Variants in SIRT5 observed in about 807,000 individuals in gnomAD.
SIRT5 encodes NAD-dependent protein deacylase sirtuin-5, mitochondrial.
In SIRT5, 26 loss-of-function variants were observed where a neutral mutation model predicts 40.0. The observed-to-expected ratio is 0.65, with a 90% confidence interval of 0.48 to 0.90. The LOEUF is 0.90. SIRT5 is among the 40% of genes least tolerant of loss of function. SIRT5 has a pLI of 0.00. For missense variants in SIRT5, 401 were observed against 402.4 expected (o/e 1.00, Z 0.03); for synonymous variants, 146 against 149.1 (o/e 0.98, Z 0.15).
intron 9 of SIRT5, among the ~76,000 whole-genome samples, chr6:13,606,400 G>A (rs563934051): frequency 6.6e-6 from 1 of 152,270 alleles, no homozygotes; most frequent in South Asian, 2.1e-4. Context: ...AGGTAGAAGA[G>A]TTTTATAGAT....
At position 13,584,180 on chromosome 6, in the gene SIRT5, T is replaced by C; in HGVS notation, c.70T>C (p.Ser24Pro). The change falls in exon 3 of 10, where the codon TCC (serine) becomes CCC (proline). Residue 24 changes from serine to proline, a missense_variant. Coordinates refer to ENST00000606117, the MANE Select transcript of SIRT5 (RefSeq NM_012241.5). ...QLYCGLKPPA[S>P]TRNQICLKMA... ...ATATTGTGGCCTGAAGCCTCCAGCGTCCACACGAAACCAGATTTGCCTGAA... is the reference window on the plus strand; with the variant it reads ...ATATTGTGGCCTGAAGCCTCCAGCGCCCACACGAAACCAGATTTGCCTGAA... 5 of 1,614,174 alleles carry C rather than the reference T, an allele frequency of 3.1e-6. No individual in the cohort carries two copies. Among genetic ancestry groups the C allele is most frequent in the South Asian group, 1.1e-5 (1 of 91,080 alleles).
At chr6:13,588,238 C>T in intron 3 of SIRT5, 93 bp from the exon 4 acceptor site, 1 of 1,444,476 alleles carries the variant, frequency 6.9e-7, no homozygotes, top group African/African-American at 1.4e-5. Context: ...AGTATAACTT[C>T]ACACTAGGTC....
chr6:13,597,554 A>T lies in SIRT5; in HGVS notation c.617+538A>T, dbSNP rs189286563. Among the ~76,000 whole-genome samples the T allele has an allele frequency of 1.3e-4, 18 of 143,622 alleles. No homozygotes were observed. In the East Asian group the frequency reaches 3.2e-3, roughly 25 times the overall value. The allele number at this position is 143,622 out of a possible 152,430, so 94.2% of individuals were successfully genotyped here. ...TTTTTTGTTGTGTTTATTTTATTTT[A>T]TTTTTTTTTGAGATGGAATCTCACT... On this transcript the variant is annotated intron_variant, in intron 7 of 9. Transcript: ENST00000606117.
intron 7 of SIRT5, 125 bp downstream of exon 7, chr6:13,597,141 C>A: frequency 1.4e-6 from 1 of 716,550 alleles, no homozygotes; most frequent in Non-Finnish European, 2.3e-6. Context: ...AATGTAAAAA[C>A]CAGGCTTGAT....
At chr6:13,590,961 G>A (rs541795258) in intron 4 of SIRT5, among the ~76,000 whole-genome samples, 1 of 151,970 alleles carries the variant, frequency 6.6e-6, no homozygotes, top group South Asian at 2.1e-4. Flanking sequence ...TTTAGTTTGT[G>A]TGTGTAGTTG....
intron 9 of SIRT5, among the ~76,000 whole-genome samples, chr6:13,609,573 C>G (rs1321765781): frequency 2.6e-5 from 4 of 152,218 alleles, no homozygotes; most frequent in Non-Finnish European, 5.9e-5. Flanking sequence ...ATCTGAAGCT[C>G]TGCACCTGGG....
intron 3 of SIRT5, 76 bp from the exon 4 acceptor site, chr6:13,588,255 C>CAAGAT: frequency 3.3e-6 from 5 of 1,531,608 alleles, no homozygotes; most frequent in Non-Finnish European, 4.4e-6. Context: ...GGTCAAGTTT[C>CAAGAT]AAGATACAGA....
intron 3 of SIRT5, 80 bp from the exon 4 acceptor site, chr6:13,588,251 G>A (rs1352295234): frequency 7.9e-6 from 12 of 1,523,874 alleles, no homozygotes; most frequent in Non-Finnish European, 1.1e-5. Flanking sequence ...ACTAGGTCAA[G>A]TTTCAAGATA....
chr6:13,604,403 A>G (rs551032969), intron 9 of SIRT5: 1 of 928,656 alleles, frequency 1.1e-6, no homozygotes, highest in East Asian at 2.4e-5. Context: ...GAAGAGTGGG[A>G]CAGGATAAAC....
intron 1 of SIRT5, among the ~76,000 whole-genome samples, chr6:13,575,783 C>T (rs1204380737): frequency 6.6e-6 from 1 of 152,128 alleles, no homozygotes; most frequent in Non-Finnish European, 1.5e-5. Context: ...ACTTTGTATC[C>T]TTTGACCAAC....
chr6:13,580,981 G>A (rs572179813), intron 2 of SIRT5, among the ~76,000 whole-genome samples: 3 of 152,220 alleles, frequency 2.0e-5, no homozygotes, highest in East Asian at 3.9e-4. Context: ...TTGTTGTGAA[G>A]CAATTTTATT....
intron 4 of SIRT5, among the ~76,000 whole-genome samples, chr6:13,590,557 GTGTA>G: frequency 9.0e-6 from 1 of 111,142 alleles, no homozygotes; most frequent in East Asian, 2.1e-4. Context: ...ATGTAATTGT[GTGTA>G]TGTTTAGTTG....
intron 9 of SIRT5, among the ~76,000 whole-genome samples, chr6:13,603,512 G>A (rs1762692179): frequency 6.6e-6 from 1 of 152,184 alleles, no homozygotes; most frequent in African/African-American, 2.4e-5. Context: ...CAAAACCACA[G>A]TGAGATACCA....
At chr6:13,590,247 C>T (rs1760668413) in intron 4 of SIRT5, among the ~76,000 whole-genome samples, 1 of 152,126 alleles carries the variant, frequency 6.6e-6, no homozygotes, top group African/African-American at 2.4e-5. Flanking sequence ...TATCAAGAAA[C>T]AGAATGTTTC....
chr6:13,601,046 G>T (rs993458892), intron 9 of SIRT5, 97 bp downstream of exon 9: 6 of 894,146 alleles, frequency 6.7e-6, no homozygotes, highest in African/African-American at 5.1e-5. Flanking sequence ...TTTTAAAAAA[G>T]ACATAGGGTT....
intron 9 of SIRT5, chr6:13,605,072 C>G (rs1424293905): frequency 1.2e-5 from 12 of 985,958 alleles, no homozygotes; most frequent in African/African-American, 1.7e-5. Flanking sequence ...AGAAACCAAC[C>G]CTGGAGCAAT....
At chr6:13,608,761 AAAAAC>A (rs1220363668) in intron 9 of SIRT5, among the ~76,000 whole-genome samples, 10 of 152,220 alleles carry the variant, frequency 6.6e-5, no homozygotes, top group Non-Finnish European at 1.2e-4. Flanking sequence ...GCATAATTGT[AAAAAC>A]AAAAAATACA....
rs114947905 is a variant in SIRT5, at chr6:13,597,513, T to C, written c.617+497T>C. Among the ~76,000 whole-genome samples, 634 of 151,996 alleles carry C rather than the reference T, an allele frequency of 4.2e-3. 4 individuals are homozygous for C. Among genetic ancestry groups the C allele is most frequent in the Non-Finnish European group, 5.9e-3 (400 of 67,956 alleles). ...ATTAAAACAGCACTTCTATAACCTGTAATTGGATTAGAAGTTTTTTTGTTG... is the reference window on the plus strand; with the variant it reads ...ATTAAAACAGCACTTCTATAACCTGCAATTGGATTAGAAGTTTTTTTGTTG... On this transcript the variant is annotated intron_variant, in intron 7 of 9. Transcript: ENST00000606117.
Position 13,607,479 on chromosome 6 carries a change from A to G in SIRT5, c.858-4311A>G, listed in dbSNP as rs1763265051. Reference sequence around the variant, plus strand: ...AGTTTTCCTAGAAATAACTCTCTTAACAGCTCTATTTTTGCAGTTTATTAC... The same window carrying G: ...AGTTTTCCTAGAAATAACTCTCTTAGCAGCTCTATTTTTGCAGTTTATTAC... On this transcript the variant is annotated intron_variant, in intron 9 of 9. Coordinates refer to ENST00000606117, the MANE Select transcript of SIRT5 (RefSeq NM_012241.5). The surrounding 1 kb of genome is among the most constrained non-coding windows in gnomAD (Gnocchi z 4.0). Among the ~76,000 whole-genome samples the G allele has an allele frequency of 6.6e-6, 1 of 152,134 alleles. No homozygotes were observed. The highest frequency in any genetic ancestry group is 1.5e-5 in the Non-Finnish European group (1 of 68,024).
Sources: gnomAD v4.1 joint callset for allele counts (sites outside exome capture counted in the v4.1 genomes callset) on GRCh38, gnomAD v4.1.1 for gene constraint, Gnocchi (gnomAD v3.1) non-coding constraint, MANE v1.5 for transcripts, NCBI Gene and HGNC (gene_info 2026-07-23, HGNC 2026-07-21) for gene names.